The following SYCP1 variants were observed in gnomAD, a reference collection of about 807,000 sequenced individuals.
SYCP1 encodes cancer/testis antigen 8.
A neutral mutation model predicts 153.1 loss-of-function variants in SYCP1; 64 were observed. The observed-to-expected ratio is 0.42, with a 90% confidence interval of 0.34 to 0.51. The LOEUF is 0.51. SYCP1 is among the 20% of genes least tolerant of loss of function. SYCP1 has a pLI of 0.06. For synonymous variants in SYCP1, 384 were observed against 341.8 expected (o/e 1.12, Z -1.36); for missense variants, 997 against 1,049.0 (o/e 0.95, Z 0.68).
intron 11 of SYCP1, 193 bp downstream of exon 11, chr1:114,877,003 CT>C (rs1665589420): frequency 1.2e-5 from 3 of 260,796 alleles, no homozygotes; most frequent in Admixed American, 5.5e-5. Flanking sequence ...CTCACTCTAG[CT>C]TTTTTTGGGT....
intron 9 of SYCP1, among the ~76,000 whole-genome samples, chr1:114,875,864 C>T (rs552111977): frequency 6.6e-6 from 1 of 152,256 alleles, no homozygotes; most frequent in Non-Finnish European, 1.5e-5. Context: ...AACATGTTGC[C>T]AGTGCATTTA....
chr1:114,926,441 A>G, intron 22 of SYCP1, 60 bp from the exon 23 acceptor site: 1 of 1,494,684 alleles, frequency 6.7e-7, no homozygotes, highest in Non-Finnish European at 9.0e-7. Flanking sequence ...AGTCTAAGTC[A>G]GTAGCAAGGT....
At position 114,941,715 on chromosome 1, in the gene SYCP1, T is replaced by A. The variant is rs2101809374; in HGVS notation, c.1927-2624T>A. Among the ~76,000 whole-genome samples, 2 of 152,180 alleles carry A rather than the reference T, an allele frequency of 1.3e-5. 1 individual carries two copies. The highest frequency in any genetic ancestry group is 6.8e-3 in the Middle Eastern group (2 of 294). On this transcript the variant is annotated intron_variant, in intron 23 of 31. Transcript: ENST00000369522. Reference sequence around the variant, plus strand: ...GGGGTAAGCAGTAATTACAGGGTATTTCTAATCTGAAAATCCAAAATCTAA... The same window carrying A: ...GGGGTAAGCAGTAATTACAGGGTATATCTAATCTGAAAATCCAAAATCTAA...
intron 23 of SYCP1, among the ~76,000 whole-genome samples, chr1:114,927,512 T>C (rs772809371): frequency 5.3e-5 from 8 of 152,104 alleles, no homozygotes; most frequent in Admixed American, 1.3e-4. Context: ...AAAGACTAGA[T>C]GGGGAATGTC....
chr1:114,861,215 A>C (rs1664350282), intron 8 of SYCP1, among the ~76,000 whole-genome samples: 1 of 152,266 alleles, frequency 6.6e-6, no homozygotes, highest in East Asian at 1.9e-4. Context: ...TTTTCAATCT[A>C]AATAGAATTC....
chr1:114,921,525 A>G (rs1194530671), intron 20 of SYCP1, among the ~76,000 whole-genome samples: 1 of 151,968 alleles, frequency 6.6e-6, no homozygotes, highest in East Asian at 1.9e-4. Context: ...CTAAAAATAG[A>G]AAAATTAGCC....
At chr1:114,871,783 G>A (rs543933796) in intron 8 of SYCP1, among the ~76,000 whole-genome samples, 16 of 151,978 alleles carry the variant, frequency 1.1e-4, no homozygotes, top group African/African-American at 3.6e-4. Flanking sequence ...ATGGATTTTC[G>A]CCATGTTGGC....
At chr1:114,945,627 C>T (rs867325747) in intron 25 of SYCP1, among the ~76,000 whole-genome samples, 1 of 152,168 alleles carries the variant, frequency 6.6e-6, no homozygotes, top group South Asian at 2.1e-4. Flanking sequence ...CAATCCAGTG[C>T]AGCATCTGTC....
At chr1:114,919,207 A>G (rs1053785370) in intron 20 of SYCP1, among the ~76,000 whole-genome samples, 15 of 152,066 alleles carry the variant, frequency 9.9e-5, no homozygotes, top group Admixed American at 5.2e-4. Flanking sequence ...GAGGGTTTTT[A>G]TCATGAACAG....
In SYCP1 at chr1:114,915,084, A is replaced by G. The variant is rs1668430103; in HGVS notation, c.1718+1039A>G. Among the ~76,000 whole-genome samples, 3 of 151,944 alleles carry G rather than the reference A, an allele frequency of 2.0e-5. No individual in the cohort carries two copies. The South Asian group carries it at 6.2e-4, about 32-fold the overall frequency. On this transcript the variant is annotated intron_variant, in intron 20 of 31. Coordinates refer to ENST00000369522, the MANE Select transcript of SYCP1 (RefSeq NM_003176.4). Reference sequence around the variant, plus strand: ...AAAAATTAAAGAAAGAAGAAAAAAAACTAAAAAAAAAACAAACTAAAAAAC... The same window carrying G: ...AAAAATTAAAGAAAGAAGAAAAAAAGCTAAAAAAAAAACAAACTAAAAAAC...
chr1:114,934,947 C>G (rs553856094), intron 23 of SYCP1, among the ~76,000 whole-genome samples: 21 of 152,256 alleles, frequency 1.4e-4, no homozygotes, highest in African/African-American at 5.1e-4. Context: ...GACTCCCACA[C>G]AATAATAATG....
intron 16 of SYCP1, among the ~76,000 whole-genome samples, chr1:114,908,557 C>T (rs1012108110): frequency 6.6e-6 from 1 of 152,008 alleles, no homozygotes; most frequent in Non-Finnish European, 1.5e-5. Context: ...AATGTTTTTT[C>T]TCTGTATTCT....
At chr1:114,989,639 A>T (rs1233448569) in intron 30 of SYCP1, among the ~76,000 whole-genome samples, 1 of 151,970 alleles carries the variant, frequency 6.6e-6, no homozygotes, top group African/African-American at 2.4e-5. Flanking sequence ...CCAAAGCCAC[A>T]AATTGATAAA....
At chr1:114,881,230 C>T (rs1231405132) in intron 12 of SYCP1, among the ~76,000 whole-genome samples, 2 of 151,818 alleles carry the variant, frequency 1.3e-5, no homozygotes, top group Non-Finnish European at 2.9e-5. Flanking sequence ...ATATTTATTT[C>T]GTTTTACCCA....
intron 27 of SYCP1, among the ~76,000 whole-genome samples, chr1:114,965,247 G>A (rs1672043492): frequency 6.6e-6 from 1 of 152,146 alleles, no homozygotes; most frequent in African/African-American, 2.4e-5. Context: ...TCAGCTTAAG[G>A]AGTTTTTGGG....
At chr1:114,966,477 C>T (rs772246884) in intron 27 of SYCP1, among the ~76,000 whole-genome samples, 6 of 152,090 alleles carry the variant, frequency 3.9e-5, no homozygotes, top group Admixed American at 6.6e-5. Context: ...CTGATGTGGG[C>T]ATTTAGTGCT....
At chr1:114,904,907 T>C (rs923182386) in intron 16 of SYCP1, among the ~76,000 whole-genome samples, 3 of 152,246 alleles carry the variant, frequency 2.0e-5, no homozygotes, top group Non-Finnish European at 4.4e-5. Flanking sequence ...TGAAGTTGAA[T>C]TGTGTGAAAC....
intron 27 of SYCP1, among the ~76,000 whole-genome samples, chr1:114,961,613 G>T (rs1222014663): frequency 6.6e-6 from 1 of 152,148 alleles, no homozygotes; most frequent in Non-Finnish European, 1.5e-5. Context: ...GACCATTCAG[G>T]AGAAGATTAT....
At chr1:114,950,256 T>C (rs1026782710) in intron 27 of SYCP1, among the ~76,000 whole-genome samples, 2 of 152,184 alleles carry the variant, frequency 1.3e-5, no homozygotes. Context: ...CCTAGATTCC[T>C]GGAGATAACA....
Sources: gnomAD v4.1 joint callset for allele counts (sites outside exome capture counted in the v4.1 genomes callset) on GRCh38, gnomAD v4.1.1 for gene constraint, MANE v1.5 for transcripts, NCBI Gene and HGNC (gene_info 2026-07-23, HGNC 2026-07-21) for gene names.